KLHL1: variants seen among roughly 807,000 people sequenced by gnomAD.
KLHL1 encodes the protein kelch-like protein 1.
In KLHL1, 47 loss-of-function variants were observed where a neutral mutation model predicts 77.7. The ratio of observed to expected loss-of-function variants is 0.60; its 90% CI spans 0.48 to 0.77. The LOEUF (loss-of-function observed/expected upper bound fraction) is 0.77. Among genes scored for constraint, KLHL1 ranks in the 30% least tolerant of loss-of-function variants. The probability of loss-of-function intolerance (pLI) is 0.00; values close to 1 mark genes in which losing one functional copy is unlikely to be tolerated. For missense variants in KLHL1, 925 were observed against 910.8 expected (o/e 1.02, Z -0.20); for synonymous variants, 360 against 325.2 (o/e 1.11, Z -1.15).
intron 4 of KLHL1, among the ~76,000 whole-genome samples, chr13:69,917,043 GT>G (rs1481242704): frequency 6.6e-6 from 1 of 151,968 alleles, no homozygotes; most frequent in East Asian, 1.9e-4. Context: ...TATGTGTATT[GT>G]TTGCACATGT....
At chr13:70,086,064 T>C (rs1287097829) in intron 1 of KLHL1, among the ~76,000 whole-genome samples, 2 of 152,138 alleles carry the variant, frequency 1.3e-5, no homozygotes, top group African/African-American at 2.4e-5. Context: ...TAGGATGCCA[T>C]ATTACTATTC....
chr13:70,098,271 CTT>C (rs1300817644), intron 1 of KLHL1, among the ~76,000 whole-genome samples: 1 of 151,714 alleles, frequency 6.6e-6, no homozygotes, highest in Non-Finnish European at 1.5e-5. Flanking sequence ...TAGACATAAA[CTT>C]AGAGTAATTT....
intron 1 of KLHL1, among the ~76,000 whole-genome samples, chr13:70,059,334 G>GT (rs1886821491): frequency 1.3e-5 from 2 of 151,722 alleles, no homozygotes; most frequent in Non-Finnish European, 2.9e-5. Flanking sequence ...ATTGTTTTTG[G>GT]TTTTTTCAAT....
intron 3 of KLHL1, among the ~76,000 whole-genome samples, chr13:69,958,544 T>C (rs1266415070): frequency 6.6e-6 from 1 of 151,894 alleles, no homozygotes; most frequent in Non-Finnish European, 1.5e-5. Flanking sequence ...CTTAATAAGA[T>C]AAATTACCTA....
At position 69,996,615 on chromosome 13, in the gene KLHL1, AG is replaced by A. The variant is rs201089333; in HGVS notation, c.498-20814del. Among the ~76,000 whole-genome samples, 1,244 of 152,224 alleles carry A rather than the reference AG, an allele frequency of 8.2e-3. 23 individuals carry two copies. The highest frequency in any genetic ancestry group is 0.028 in the African/African-American group (1,179 of 41,556). ...TTTATGTTCTGCTAAAGGGGAGAAA[AG>A]CTTCACTTCAATGTTTTGCTACAGA... On this transcript the variant is annotated intron_variant, in intron 1 of 10. Transcript: ENST00000377844.
rs778910985 is a variant in KLHL1 at position 70,079,988 on chromosome 13, T to C, written c.497+27215A>G. ...CACCAGGATGTGATGGTGAATCCCATAGTTCTTGATCCAATCTCTGGCTCA... is the reference window on the plus strand; with the variant it reads ...CACCAGGATGTGATGGTGAATCCCACAGTTCTTGATCCAATCTCTGGCTCA... On this transcript the variant is annotated intron_variant, in intron 1 of 10. Coordinates refer to ENST00000377844, the MANE Select transcript of KLHL1 (RefSeq NM_020866.3). 6.6e-5 allele frequency among the ~76,000 whole-genome samples: 10 copies of C among 152,208 alleles called. No homozygotes were observed. In the East Asian group the frequency reaches 1.3e-3, roughly 21 times the overall value.
chr13:69,701,007 C>T lies in KLHL1; in HGVS notation c.*695G>A, dbSNP rs1422226498. The T allele has an allele frequency of 1.3e-5, 2 of 152,212 alleles. No homozygotes were observed. The highest frequency in any genetic ancestry group is 2.4e-5 in the African/African-American group (1 of 41,384). 9.4% of individuals were successfully genotyped at this position (152,212 alleles called of 1,614,324 possible). A position where few individuals can be genotyped will look rare whatever the true frequency, so the allele number is the denominator to read the frequency against. ...AAAAAAGCAAAGCAAAATGGTAAGC[C>T]TAGTGAAAACAATCCTTTGTGTTTG... On this transcript the variant is annotated 3_prime_UTR_variant, in exon 11 of 11. Coordinates refer to ENST00000377844, the MANE Select transcript of KLHL1 (RefSeq NM_020866.3).
chr13:69,742,637 C>T (rs1874033220), intron 7 of KLHL1, among the ~76,000 whole-genome samples: 1 of 152,250 alleles, frequency 6.6e-6, no homozygotes, highest in South Asian at 2.1e-4. Context: ...AGTAAGTATG[C>T]TTCACACATA....
chr13:69,981,111 G>C (rs1449944606), intron 1 of KLHL1, among the ~76,000 whole-genome samples: 1 of 152,068 alleles, frequency 6.6e-6, no homozygotes, highest in Non-Finnish European at 1.5e-5. Flanking sequence ...ACATCAAATA[G>C]TTTCCAGAGC....
intron 8 of KLHL1, among the ~76,000 whole-genome samples, chr13:69,721,281 C>T (rs983680515): frequency 2.7e-5 from 4 of 148,166 alleles, no homozygotes; most frequent in Non-Finnish European, 6.0e-5. Context: ...TCGATTTGTT[C>T]CACCTTTCCG....
chr13:69,974,704 C>T (rs944007600), intron 2 of KLHL1, among the ~76,000 whole-genome samples: 8 of 151,916 alleles, frequency 5.3e-5, no homozygotes, highest in African/African-American at 1.9e-4. Flanking sequence ...TTTAATTACA[C>T]TCTCAAGAAT....
intron 4 of KLHL1, among the ~76,000 whole-genome samples, chr13:69,935,284 G>GTTCACCTA (rs1376755738): frequency 1.2e-4 from 18 of 151,778 alleles, no homozygotes; most frequent in African/African-American, 3.9e-4. Flanking sequence ...TTGGTACATA[G>GTTCACCTA]CAGTCAATAG....
chr13:70,045,936 T>TAA (rs1886485204), intron 1 of KLHL1, among the ~76,000 whole-genome samples: 1 of 152,222 alleles, frequency 6.6e-6, no homozygotes, highest in Admixed American at 6.5e-5. Context: ...CTCATCCTGG[T>TAA]AAAGGTTTCC....
In KLHL1 at chr13:69,830,155, C is replaced by T. The variant is rs146738833; in HGVS notation, c.1414+8821G>A. ...GCCTAAATGCCCCACATAAAAAATACGGAATGGATAATAATTCACCAACCA... is the reference window on the plus strand; with the variant it reads ...GCCTAAATGCCCCACATAAAAAATATGGAATGGATAATAATTCACCAACCA... On this transcript the variant is annotated intron_variant, in intron 6 of 10. Coordinates refer to ENST00000377844, the MANE Select transcript of KLHL1 (RefSeq NM_020866.3). 8.3e-3 allele frequency among the ~76,000 whole-genome samples: 1,239 copies of T among 150,022 alleles called. 116 individuals are homozygous for T. Among genetic ancestry groups the T allele is most frequent in the African/African-American group, 0.029 (1,156 of 40,030 alleles).
chr13:69,842,540 A>T (rs1879308193), intron 5 of KLHL1, among the ~76,000 whole-genome samples: 1 of 151,804 alleles, frequency 6.6e-6, no homozygotes, highest in African/African-American at 2.4e-5. Flanking sequence ...ACAAAAAATA[A>T]CATGATGGTG....
At chr13:69,745,847 C>A (rs1874188517) in intron 7 of KLHL1, among the ~76,000 whole-genome samples, 1 of 151,518 alleles carries the variant, frequency 6.6e-6, no homozygotes, top group Admixed American at 6.6e-5. Flanking sequence ...TTGCAATTTT[C>A]TGAATTTTCC....
intron 3 of KLHL1, among the ~76,000 whole-genome samples, chr13:69,951,350 T>C (rs1414151276): frequency 6.6e-6 from 1 of 151,296 alleles, no homozygotes; most frequent in Admixed American, 6.6e-5. Context: ...ATCAGGAAAC[T>C]AGAAGGGAGA....
At chr13:69,978,014 T>C (rs1030643442) in intron 1 of KLHL1, among the ~76,000 whole-genome samples, 3 of 152,108 alleles carry the variant, frequency 2.0e-5, no homozygotes, top group African/African-American at 7.2e-5. Flanking sequence ...CTTTAAATAT[T>C]TGAAATTAAT....
chr13:69,711,739 CA>C (rs2137880512), intron 9 of KLHL1, among the ~76,000 whole-genome samples: 2 of 152,046 alleles, frequency 1.3e-5, no homozygotes, highest in East Asian at 3.9e-4. Flanking sequence ...ATTTCTGGGT[CA>C]AAGAGAGTGT....
Sources: allele counts gnomAD v4.1 joint callset (sites outside exome capture counted in the v4.1 genomes callset), GRCh38; gene constraint gnomAD v4.1.1; transcripts MANE v1.5; gene names NCBI Gene and HGNC (gene_info 2026-07-23, HGNC 2026-07-21).